Variants in CBR4 observed in about 807,000 individuals in gnomAD.
CBR4 encodes the protein carbonyl reductase 4.
CBR4 carries 22 observed loss-of-function variants against 21.0 expected under a neutral mutation model. The ratio of observed to expected loss-of-function variants is 1.05; its 90% CI spans 0.75 to 1.50. CBR4 has a LOEUF of 1.50. Ranked by LOEUF, CBR4 falls within the 40% of genes most tolerant of loss-of-function variation. CBR4 has a pLI of 0.00. For synonymous variants in CBR4, 100 were observed against 104.4 expected (o/e 0.96, Z 0.26); for missense variants, 302 against 286.3 (o/e 1.05, Z -0.40).
At chr4:168,901,001 T>C (rs974560602) in intron 2 of CBR4, among the ~76,000 whole-genome samples, 3 of 152,224 alleles carry the variant, frequency 2.0e-5, no homozygotes, top group African/African-American at 7.2e-5. Context: ...GATGGGCTTT[T>C]GTTTTTAATA....
chr4:168,968,678 C>T lies in CBR4; in HGVS notation n.169+33393G>A, dbSNP rs186274656. On this transcript the variant is annotated intron_variant and non_coding_transcript_variant, in intron 2 of 3. Coordinates refer to the CBR4 transcript ENST00000509108. ...CCATCACCTAGCACATTCCATCAGT[C>T]CTTTGCAAGGACAGTCTCATTAATT... Among the ~76,000 whole-genome samples the T allele has an allele frequency of 3.9e-4, 59 of 152,282 alleles. 1 individual carries two copies. Among genetic ancestry groups the T allele is most frequent in the Middle Eastern group, 3.4e-3 (1 of 294 alleles).
chr4:168,896,513 T>C (rs1386726740), intron 2 of CBR4: 2 of 1,203,860 alleles, frequency 1.7e-6, no homozygotes, highest in Non-Finnish European at 1.2e-6. Flanking sequence ...ATTATTTCTA[T>C]TATTAGTCTT....
intron 2 of CBR4, among the ~76,000 whole-genome samples, chr4:168,940,167 C>CTACCCAT (rs1763223265): frequency 6.6e-6 from 1 of 152,160 alleles, no homozygotes; most frequent in Non-Finnish European, 1.5e-5. Context: ...TTTGACAAAC[C>CTACCCAT]TGACTAAAAC....
intron 4 of CBR4, among the ~76,000 whole-genome samples, chr4:168,993,359 C>T (rs779073335): frequency 3.3e-5 from 5 of 152,036 alleles, no homozygotes; most frequent in Non-Finnish European, 7.4e-5. Flanking sequence ...TACAGGCACA[C>T]GCCACCATGC....
intron 2 of CBR4, 68 bp downstream of exon 2, chr4:169,007,564 CCAAT>C (rs1468744776): frequency 2.2e-6 from 2 of 917,598 alleles, no homozygotes; most frequent in Non-Finnish European, 3.0e-6. Context: ...TTAACTTATA[CCAAT>C]CAAAGACATA....
chr4:168,903,071 A>G (rs1468370618), intron 2 of CBR4, among the ~76,000 whole-genome samples: 1 of 152,146 alleles, frequency 6.6e-6, no homozygotes, highest in Non-Finnish European at 1.5e-5. Context: ...CCCACATTTA[A>G]TTTTTTATCA....
intron 2 of CBR4, among the ~76,000 whole-genome samples, chr4:168,940,815 C>T (rs1763242302): frequency 6.6e-6 from 1 of 152,198 alleles, no homozygotes; most frequent in Admixed American, 6.5e-5. Flanking sequence ...AATAGGAACA[C>T]TTTTACACTG....
At chr4:168,949,369 T>C (rs1763477720) in intron 2 of CBR4, among the ~76,000 whole-genome samples, 13 of 152,152 alleles carry the variant, frequency 8.5e-5, no homozygotes, top group Admixed American at 8.5e-4. Context: ...CTTTCTCTTG[T>C]CTGATTGCTC....
At chr4:169,002,904 T>G (rs557618414) in intron 3 of CBR4, among the ~76,000 whole-genome samples, 1 of 152,304 alleles carries the variant, frequency 6.6e-6, no homozygotes, top group East Asian at 1.9e-4. Flanking sequence ...TTTTCATTAT[T>G]ATTACATCTG....
chr4:168,926,563 T>TAATA, intron 2 of CBR4: 1 of 551,268 alleles, frequency 1.8e-6, no homozygotes, highest in African/African-American at 1.9e-5. Context: ...TAGATAATGC[T>TAATA]AATACAAATA....
At chr4:168,916,230 T>C (rs1331437793) in intron 2 of CBR4, among the ~76,000 whole-genome samples, 1 of 152,086 alleles carries the variant, frequency 6.6e-6, no homozygotes, top group African/African-American at 2.4e-5. Flanking sequence ...CTGGGTAATA[T>C]GGAGAAACCC....
chr4:169,002,795 A>G (rs926666306), intron 3 of CBR4, among the ~76,000 whole-genome samples: 1 of 151,032 alleles, frequency 6.6e-6, no homozygotes. Flanking sequence ...TGCAACAAGC[A>G]ATTCTATTAG....
chr4:168,940,083 A>C (rs1314507062), intron 2 of CBR4, among the ~76,000 whole-genome samples: 1 of 152,258 alleles, frequency 6.6e-6, no homozygotes, highest in Non-Finnish European at 1.5e-5. Context: ...TACTGGTACC[A>C]AAACAGATAT....
chr4:169,000,317 A>C (rs1478553089), intron 4 of CBR4, among the ~76,000 whole-genome samples: 1 of 152,158 alleles, frequency 6.6e-6, no homozygotes, highest in Non-Finnish European at 1.5e-5. Flanking sequence ...ATGTATCTGA[A>C]CCACAGTCAC....
rs183906258 is a variant in CBR4, at chr4:168,991,714, T to A, written c.536-1386A>T. 1.3e-3 allele frequency among the ~76,000 whole-genome samples: 203 copies of A among 152,318 alleles called. 1 individual carries two copies. Among genetic ancestry groups the A allele is most frequent in the African/African-American group, 4.7e-3 (194 of 41,596 alleles). On this transcript the variant is annotated intron_variant, in intron 4 of 4. Coordinates refer to ENST00000306193, the MANE Select transcript of CBR4 (RefSeq NM_032783.5). ...TACAGGACATACAAATACGTATTAA[T>A]AAAATGCTTAGCCCATATAATCAGT...
intron 2 of CBR4, among the ~76,000 whole-genome samples, chr4:168,971,479 G>T (rs1178267448): frequency 7.0e-6 from 1 of 142,096 alleles, no homozygotes; most frequent in African/African-American, 2.6e-5. Context: ...TAGAGACAGG[G>T]TTTCACCATG....
At chr4:168,924,127 C>T (rs1762123996) in intron 2 of CBR4, 1 of 778,942 alleles carries the variant, frequency 1.3e-6, no homozygotes, top group Non-Finnish European at 2.2e-6. Flanking sequence ...GGACTAGCAT[C>T]TTACCACCTG....
chr4:168,954,857 A>G (rs989192318), intron 2 of CBR4, among the ~76,000 whole-genome samples: 1 of 152,206 alleles, frequency 6.6e-6, no homozygotes, highest in African/African-American at 2.4e-5. Context: ...ATTGGAACAG[A>G]TCAGAAGACT....
chr4:168,947,502 T>C (rs1175030017), intron 2 of CBR4, among the ~76,000 whole-genome samples: 1 of 152,186 alleles, frequency 6.6e-6, no homozygotes, highest in African/African-American at 2.4e-5. Context: ...CAGTACACAC[T>C]GCACCCTATT....
Sources: allele counts gnomAD v4.1 joint callset (sites outside exome capture counted in the v4.1 genomes callset), GRCh38; gene constraint gnomAD v4.1.1; transcripts MANE v1.5; gene names NCBI Gene and HGNC (gene_info 2026-07-23, HGNC 2026-07-21).